DCAF1: variants seen among roughly 807,000 people sequenced by gnomAD.
DCAF1 encodes DDB1 and CUL4 associated factor 1, also known as DDB1- and CUL4-associated factor 1.
Under a neutral mutation model 128.0 loss-of-function variants are expected in DCAF1, and 15 were observed. The observed-to-expected ratio is 0.12, with a 90% CI of 0.08 to 0.18. The LOEUF is 0.18. DCAF1 is among the 10% of genes least tolerant of loss of function. The pLI, the probability that DCAF1 is intolerant of heterozygous loss-of-function variation, is 1.00. For synonymous variants in DCAF1, 610 were observed against 603.0 expected, an observed-to-expected ratio of 1.01 and a Z score of -0.17; for missense variants, 988 against 1,649.5, an observed-to-expected ratio of 0.60 and a Z score of 6.95.
chr3:51,443,694 C>G (rs1701582857), intron 7 of DCAF1, 72 bp downstream of exon 7: 2 of 1,349,716 alleles, frequency 1.5e-6, no homozygotes, highest in African/African-American at 3.0e-5. Flanking sequence ...TCTACTTATT[C>G]AGATTCAAGT....
chr3:51,441,323 A>T (rs1553638618), intron 8 of DCAF1, 62 bp downstream of exon 8: 7 of 1,517,282 alleles, frequency 4.6e-6, no homozygotes, highest in Non-Finnish European at 6.2e-6. Context: ...CTACCATAAA[A>T]TACCACAGAA....
intron 2 of DCAF1, among the ~76,000 whole-genome samples, chr3:51,490,386 G>A (rs1286953896): frequency 6.6e-6 from 1 of 152,084 alleles, no homozygotes; most frequent in East Asian, 1.9e-4. Flanking sequence ...AACCAAGATC[G>A]CACCACTGCA....
At chr3:51,463,070 T>C in intron 6 of DCAF1, 44 bp downstream of exon 6, 2 of 1,352,686 alleles carry the variant, frequency 1.5e-6, no homozygotes, top group Non-Finnish European at 2.0e-6. Context: ...TACATCATAA[T>C]TCAATTACAA....
chr3:51,401,403 C>A (rs570731185), intron 24 of DCAF1, among the ~76,000 whole-genome samples: 1 of 152,326 alleles, frequency 6.6e-6, no homozygotes, highest in Admixed American at 6.5e-5. Flanking sequence ...TTGCTGACAG[C>A]AGCTGGCTCT....
At chr3:51,479,885 TAAAAC>T (rs1705950275) in intron 3 of DCAF1, among the ~76,000 whole-genome samples, 1 of 151,986 alleles carries the variant, frequency 6.6e-6, no homozygotes, top group Non-Finnish European at 1.5e-5. Flanking sequence ...ACAGGAGTAT[TAAAAC>T]AAAGTGGTGG....
chr3:51,489,267 C>T (rs1016945654), intron 2 of DCAF1, among the ~76,000 whole-genome samples: 5 of 151,594 alleles, frequency 3.3e-5, no homozygotes, highest in African/African-American at 9.7e-5. Flanking sequence ...AATCTCGTCT[C>T]CAGTAAAAAT....
downstream of DCAF1, chr3:51,395,891 T>C (rs1429418597): frequency 9.7e-6 from 4 of 413,418 alleles, no homozygotes; most frequent in Non-Finnish European, 1.8e-5. Flanking sequence ...GTTTATTTAT[T>C]TGCCTGTTTT....
chr3:51,476,412 A>T (rs1171495876), intron 3 of DCAF1, among the ~76,000 whole-genome samples: 1 of 151,622 alleles, frequency 6.6e-6, no homozygotes, highest in Non-Finnish European at 1.5e-5. Context: ...AACTGAGAAT[A>T]AAAAATAGGA....
chr3:51,405,058 G>C (rs1286137162), intron 23 of DCAF1, among the ~76,000 whole-genome samples: 3 of 152,136 alleles, frequency 2.0e-5, no homozygotes, highest in Admixed American at 2.0e-4. Flanking sequence ...TCATAGACTT[G>C]ACCAAAATTA....
rs143509151 is a variant in DCAF1, at chr3:51,415,992, C to G, written c.3603+795G>C. ...GCCAAGGTCCTCCATTTCTCATAGC[C>G]TCTACCATGCCTACCCAGGCCCAAA... is the stretch of plus-strand genomic sequence containing the variant. On this transcript the variant is annotated intron_variant, in intron 18 of 24. Transcript: ENST00000684031. Among the ~76,000 whole-genome samples the G allele has an allele frequency of 4.2e-3, 636 of 152,198 alleles. 1 individual carries two copies. The highest frequency in any genetic ancestry group is 8.0e-3 in the Non-Finnish European group (542 of 68,012).
At chr3:51,480,530 C>T (rs995648249) in intron 3 of DCAF1, among the ~76,000 whole-genome samples, 5 of 134,218 alleles carry the variant, frequency 3.7e-5, no homozygotes, top group East Asian at 2.4e-4. Flanking sequence ...AGCCAGGAGG[C>T]GGAGGTTGCA....
intron 6 of DCAF1, among the ~76,000 whole-genome samples, chr3:51,457,113 C>G (rs1204206120): frequency 2.6e-5 from 4 of 152,046 alleles, no homozygotes; most frequent in Non-Finnish European, 4.4e-5. Flanking sequence ...TCAAACTACT[C>G]CGAGCTACAG....
At chr3:51,492,942 C>T (rs1210014449) in intron 2 of DCAF1, among the ~76,000 whole-genome samples, 1 of 151,626 alleles carries the variant, frequency 6.6e-6, no homozygotes, top group African/African-American at 2.4e-5. Flanking sequence ...TGCAGTGAGC[C>T]GAGATCGCGC....
intron 3 of DCAF1, among the ~76,000 whole-genome samples, chr3:51,480,183 T>C (rs1043959156): frequency 2.6e-5 from 4 of 151,908 alleles, no homozygotes; most frequent in Non-Finnish European, 5.9e-5. Flanking sequence ...CAGTGAAGGT[T>C]TTACAGACAT....
intron 9 of DCAF1, among the ~76,000 whole-genome samples, chr3:51,433,501 GC>G (rs1429312792): frequency 1.2e-4 from 18 of 151,018 alleles, no homozygotes; most frequent in Non-Finnish European, 2.4e-4. Flanking sequence ...TGCTCTTGTT[GC>G]CCAGGCTGGA....
At position 51,418,292 on chromosome 3, in the gene DCAF1, ATGT is replaced by A; in HGVS notation, c.3436-97_3436-95del. The A allele has an allele frequency of 6.0e-6, 9 of 1,507,940 alleles. No homozygotes were observed. The South Asian group carries it at 9.2e-5, about 15-fold the overall frequency. 93.4% of individuals were successfully genotyped at this position (1,507,940 alleles called of 1,614,324 possible). On this transcript the variant is annotated intron_variant, in intron 16 of 24. Coordinates refer to ENST00000684031, the MANE Select transcript of DCAF1 (RefSeq NM_001387579.1). Reference sequence around the variant, plus strand: ...AGCATTTTTAAAGATTTGCATAAAAATGTTGTTGAATTAAAGAGACAATTTTAT... The same window carrying A: ...AGCATTTTTAAAGATTTGCATAAAAATGTTGAATTAAAGAGACAATTTTAT...
chr3:51,416,672 A>G (rs1553630445), intron 18 of DCAF1, 115 bp downstream of exon 18: 26 of 1,407,728 alleles, frequency 1.8e-5, no homozygotes, highest in Non-Finnish European at 2.3e-5. Flanking sequence ...ACTAGAAGGA[A>G]TATCACTGAT....
intron 13 of DCAF1, 107 bp from the exon 14 acceptor site, chr3:51,422,538 T>C (rs782029490): frequency 9.0e-6 from 6 of 664,144 alleles, no homozygotes; most frequent in Admixed American, 2.1e-5. Flanking sequence ...ACAGAGACAA[T>C]AAATCAGAAG....
At chr3:51,396,900 G>A (rs1553623163), downstream of DCAF1, 1 of 166,974 alleles carries the variant, frequency 6.0e-6, no homozygotes, top group African/African-American at 2.4e-5. Flanking sequence ...CTATTCCACT[G>A]GTTAAGTGTT....
Sources: allele counts gnomAD v4.1 joint callset (sites outside exome capture counted in the v4.1 genomes callset), GRCh38; gene constraint gnomAD v4.1.1; transcripts MANE v1.5; gene names NCBI Gene and HGNC (gene_info 2026-07-23, HGNC 2026-07-21).